Variants in CCDC144A observed in about 807,000 individuals in gnomAD.
The protein encoded by CCDC144A is coiled-coil domain-containing protein 144A.
In CCDC144A, 41 loss-of-function variants were observed where a neutral mutation model predicts 143.8. The ratio of observed to expected loss-of-function variants is 0.29; its 90% confidence interval spans 0.22 to 0.37. The LOEUF is 0.37. Among genes scored for constraint, CCDC144A ranks in the 10% least tolerant of loss-of-function variants. CCDC144A has a pLI of 1.00. For missense variants in CCDC144A, 637 were observed against 1,488.8 expected (o/e 0.43, Z 9.41); for synonymous variants, 242 against 517.9 (o/e 0.47, Z 7.23).
chr17:16,682,293 T>C, the CCDC144A span, among the ~76,000 whole-genome samples: 3 of 149,400 alleles, frequency 2.0e-5, no homozygotes, highest in East Asian at 5.9e-4. Flanking sequence ...CAGAGAGAAC[T>C]AAAAGGGGAT....
At chr17:16,682,202 GGTGT>G in the CCDC144A span, among the ~76,000 whole-genome samples, 14,449 of 144,568 alleles carry the variant, frequency 0.1, 826 homozygotes, top group African/African-American at 0.16. Context: ...TCTGAAAATG[GGTGT>G]GTGTGTGTGT....
chr17:16,771,897 G>T, intron 15 of CCDC144A, 80 bp from the exon 16 acceptor site: 1 of 1,159,952 alleles, frequency 8.6e-7, no homozygotes, highest in South Asian at 1.5e-5. Context: ...ATTATTTAAA[G>T]GCCGCATTTT....
chr17:16,736,235 C>CTTTTTTT (rs71214289), intron 12 of CCDC144A, among the ~76,000 whole-genome samples: 1 of 98,180 alleles, frequency 1.0e-5, no homozygotes, highest in Non-Finnish European at 2.2e-5. Context: ...AAGGCATTTA[C>CTTTTTTT]TTTTTTTTTT....
intron 6 of CCDC144A, among the ~76,000 whole-genome samples, chr17:16,718,793 T>C (rs1912918951): frequency 7.2e-6 from 1 of 138,838 alleles, no homozygotes; most frequent in African/African-American, 2.9e-5. Flanking sequence ...AAGCTAACTG[T>C]TGACAATCTA....
intron 2 of CCDC144A, among the ~76,000 whole-genome samples, chr17:16,700,273 T>A (rs1435213804): frequency 7.9e-5 from 12 of 152,270 alleles, no homozygotes; most frequent in African/African-American, 2.4e-4. Context: ...AGCCTCAAAT[T>A]TTGATGACAC....
chr17:16,760,141 A>G (rs939616315), intron 12 of CCDC144A, among the ~76,000 whole-genome samples: 2 of 152,132 alleles, frequency 1.3e-5, no homozygotes, highest in African/African-American at 4.8e-5. Context: ...AGTCAGGTAG[A>G]AGCTGTGTGA....
At chr17:16,690,068 A>G (rs1047183262), upstream of CCDC144A, 9 of 195,246 alleles carry the variant, frequency 4.6e-5, no homozygotes, top group Non-Finnish European at 9.4e-5. Context: ...CTGCAGCGCC[A>G]CCTGCAGGCC....
At chr17:16,756,682 G>A (rs1915102735) in intron 12 of CCDC144A, among the ~76,000 whole-genome samples, 1 of 151,018 alleles carries the variant, frequency 6.6e-6, no homozygotes, top group Non-Finnish European at 1.5e-5. Flanking sequence ...CTTTGGAGGT[G>A]TCATGTTTCT....
chr17:16,740,499 A>G (rs966272770), intron 12 of CCDC144A, among the ~76,000 whole-genome samples: 2 of 152,272 alleles, frequency 1.3e-5, no homozygotes, highest in Non-Finnish European at 2.9e-5. Flanking sequence ...AATTAGTTGT[A>G]TGAATTTCAA....
At chr17:16,753,626 G>A (rs1426078042) in intron 12 of CCDC144A, among the ~76,000 whole-genome samples, 1 of 151,910 alleles carries the variant, frequency 6.6e-6, no homozygotes, top group African/African-American at 2.4e-5. Context: ...TGATTTTGTG[G>A]CCTGCACCTT....
intron 8 of CCDC144A, among the ~76,000 whole-genome samples, chr17:16,725,285 T>C (rs1484730362): frequency 2.0e-5 from 3 of 152,006 alleles, no homozygotes; most frequent in African/African-American, 7.2e-5. Flanking sequence ...TTGTCTGTCA[T>C]CAAGCTGTTT....
At chr17:16,678,333 C>T in the CCDC144A span, among the ~76,000 whole-genome samples, 2 of 151,966 alleles carry the variant, frequency 1.3e-5, no homozygotes, top group Non-Finnish European at 2.9e-5. Context: ...CCAGCTGGCC[C>T]TGAAAAGTAA....
rs781766141 is a variant in CCDC144A, at chr17:16,732,647, G to T, written c.2399G>T (p.Arg800Leu). The change falls in exon 11 of 17, where the codon CGA becomes CTA. Residue 800 changes from arginine (R) to leucine (L), a missense_variant. Arg to Leu is a moderately radical substitution (Grantham distance 102). Coordinates refer to ENST00000399273, the MANE Select transcript of CCDC144A (RefSeq NM_001382000.1). ...AAACAAAAGGAACTAGAAATGGCTC[G>T]AAAGAAAATGAATTCTGAGGTATTT... Reference protein sequence around the residue: ...TSKQKELEMARKKMNSEISHR... With the variant: ...TSKQKELEMALKKMNSEISHR... 2.5e-6 allele frequency: 4 copies of T among 1,606,768 alleles called. No individual in the cohort carries two copies. In the South Asian group the frequency reaches 3.3e-5, roughly 13 times the overall value.
the CCDC144A span, among the ~76,000 whole-genome samples, chr17:16,667,452 C>G: frequency 6.6e-6 from 1 of 151,594 alleles, no homozygotes; most frequent in East Asian, 1.9e-4. Context: ...GCTGAGGTGG[C>G]TCAGGGGCTG....
chr17:16,734,070 G>C (rs1475012615), intron 11 of CCDC144A, among the ~76,000 whole-genome samples: 3 of 151,280 alleles, frequency 2.0e-5, no homozygotes, highest in Non-Finnish European at 2.9e-5. Flanking sequence ...AGCCCGGGAG[G>C]CCAAGGCTAC....
At chr17:16,744,421 T>C (rs1324639450) in intron 12 of CCDC144A, among the ~76,000 whole-genome samples, 7 of 152,250 alleles carry the variant, frequency 4.6e-5, no homozygotes. Context: ...TGAGATGGTA[T>C]GTCATTGTGG....
intron 15 of CCDC144A, among the ~76,000 whole-genome samples, chr17:16,768,583 A>C (rs1217639341): frequency 6.6e-6 from 1 of 152,202 alleles, no homozygotes; most frequent in Non-Finnish European, 1.5e-5. Context: ...TGTTTTACTG[A>C]TTTTTACTTA....
chr17:16,718,154 G>C (rs1912879784), intron 6 of CCDC144A, among the ~76,000 whole-genome samples: 1 of 152,154 alleles, frequency 6.6e-6, no homozygotes, highest in African/African-American at 2.4e-5. Flanking sequence ...TGATTATGAT[G>C]AGGGCTGGTA....
chr17:16,711,608 C>T, intron 5 of CCDC144A, 71 bp from the exon 6 acceptor site: 1 of 1,607,366 alleles, frequency 6.2e-7, no homozygotes, highest in Non-Finnish European at 8.5e-7. Flanking sequence ...GAAATCAATG[C>T]AAACAGAAAA....
Sources: gnomAD v4.1 joint callset for allele counts (sites outside exome capture counted in the v4.1 genomes callset) on GRCh38, gnomAD v4.1.1 for gene constraint, MANE v1.5 for transcripts, NCBI Gene and HGNC (gene_info 2026-07-23, HGNC 2026-07-21) for gene names.